Variants in TAFA1 observed in about 807,000 individuals in gnomAD.
The protein encoded by TAFA1 is TAFA chemokine like family member 1, also known as chemokine-like protein TAFA-1.
Under a neutral mutation model 18.5 loss-of-function variants are expected in TAFA1, and 4 were observed. The observed-to-expected ratio is 0.22, with a 90% confidence interval of 0.11 to 0.49. TAFA1 has a LOEUF of 0.49. TAFA1 is among the 20% of genes least tolerant of loss of function. TAFA1 has a pLI of 0.98. For synonymous variants in TAFA1, 56 were observed against 55.2 expected, an observed-to-expected ratio of 1.01 and a Z score of -0.06; for missense variants, 147 against 169.0, an observed-to-expected ratio of 0.87 and a Z score of 0.72.
chr3:68,491,836 C>G (rs569318863), intron 3 of TAFA1, among the ~76,000 whole-genome samples: 1 of 152,224 alleles, frequency 6.6e-6, no homozygotes, highest in South Asian at 2.1e-4. Context: ...AATATAATTT[C>G]TCAGCCCCTA....
At chr3:68,225,401 A>G (rs1011179301) in intron 2 of TAFA1, among the ~76,000 whole-genome samples, 1 of 152,168 alleles carries the variant, frequency 6.6e-6, no homozygotes, top group African/African-American at 2.4e-5. Flanking sequence ...CCCACACCAA[A>G]GGAATCCATA....
chr3:67,995,950 ACATTC>A, the TAFA1 span, among the ~76,000 whole-genome samples: 3 of 152,346 alleles, frequency 2.0e-5, no homozygotes, highest in East Asian at 5.8e-4. Context: ...ATTCATTCGC[ACATTC>A]ATGTATTCAT....
chr3:68,515,007 C>G (rs551109403), intron 3 of TAFA1, among the ~76,000 whole-genome samples: 44 of 152,212 alleles, frequency 2.9e-4, no homozygotes, highest in African/African-American at 9.6e-4. Context: ...TACTCATGGA[C>G]AGAGGTCCAT....
intron 2 of TAFA1, among the ~76,000 whole-genome samples, chr3:68,276,378 C>T (rs1271048875): frequency 2.6e-5 from 4 of 152,138 alleles, no homozygotes; most frequent in Admixed American, 1.3e-4. Flanking sequence ...TCCCCTCTTG[C>T]GACAACCCAA....
chr3:68,516,509 A>G (rs1447852134), intron 3 of TAFA1, among the ~76,000 whole-genome samples: 1 of 152,186 alleles, frequency 6.6e-6, no homozygotes, highest in African/African-American at 2.4e-5. Flanking sequence ...TCCTTTGTGT[A>G]TATTTTCAAT....
chr3:68,388,620 C>G (rs974800823), intron 2 of TAFA1, among the ~76,000 whole-genome samples: 2 of 152,146 alleles, frequency 1.3e-5, no homozygotes, highest in Non-Finnish European at 1.5e-5. Flanking sequence ...ATTCCCACAT[C>G]TACAGAGTTA....
rs551483862 is a variant in TAFA1 at position 68,285,875 on chromosome 3, C to T, written c.119-131405C>T. 1.4e-4 allele frequency among the ~76,000 whole-genome samples: 21 copies of T among 152,214 alleles called. No homozygotes were observed. In the South Asian group the frequency reaches 2.5e-3, roughly 18 times the overall value. ...CAAGAATGGCCAATCATTGAATATA[C>T]GGCCCAGACTTATGAATTAGGAGAC... On this transcript the variant is annotated intron_variant, in intron 2 of 4. Coordinates refer to ENST00000478136, the MANE Select transcript of TAFA1 (RefSeq NM_213609.4).
chr3:68,417,802 T>C (rs941128177), intron 3 of TAFA1, among the ~76,000 whole-genome samples: 2 of 152,088 alleles, frequency 1.3e-5, no homozygotes, highest in Non-Finnish European at 1.5e-5. Context: ...ACAGGAAGCA[T>C]GGCTACGGAG....
chr3:68,100,129 G>A (rs1416861003), intron 2 of TAFA1, among the ~76,000 whole-genome samples: 3 of 151,766 alleles, frequency 2.0e-5, no homozygotes, highest in South Asian at 4.2e-4. Flanking sequence ...AAACCTCCAC[G>A]TACAATCCCT....
intron 3 of TAFA1, among the ~76,000 whole-genome samples, chr3:68,508,083 A>G (rs1395909068): frequency 6.6e-6 from 1 of 152,056 alleles, no homozygotes; most frequent in Non-Finnish European, 1.5e-5. Flanking sequence ...ATTTATGATG[A>G]GGGCTCTCTT....
At chr3:68,290,180 A>G (rs982870090) in intron 2 of TAFA1, among the ~76,000 whole-genome samples, 2 of 152,150 alleles carry the variant, frequency 1.3e-5, no homozygotes, top group African/African-American at 4.8e-5. Context: ...GGAAAAAGTT[A>G]CTTCTTTAGC....
rs569054645 is a variant in TAFA1 at position 68,459,984 on chromosome 3, C to T, written c.259+42564C>T. The stretch of plus-strand genomic sequence containing the variant: ...AGATCATGAGGGAAACGTGTTAAGG[C>T]CGTTTATTGAGGCTTGAGAGATGGA... On this transcript the variant is annotated intron_variant, in intron 3 of 4. Coordinates refer to ENST00000478136, the MANE Select transcript of TAFA1 (RefSeq NM_213609.4). Among the ~76,000 whole-genome samples the T allele has an allele frequency of 2.6e-5, 4 of 152,246 alleles. No individual in the cohort carries two copies. In the South Asian group the frequency reaches 6.2e-4, roughly 24 times the overall value.
rs370702326 is a variant in TAFA1, at chr3:68,542,068, C to T, written c.385-2418C>T. ...ATGGATCTGAGTGATATTATTACCC[C>T]AGAAGGAAGGAGAAAATATAGGTGG... is the stretch of plus-strand genomic sequence containing the variant. On this transcript the variant is annotated intron_variant, in intron 4 of 4. Transcript: ENST00000478136. 5.3e-5 allele frequency among the ~76,000 whole-genome samples: 8 copies of T among 152,190 alleles called. No individual in the cohort carries two copies. In the East Asian group the frequency reaches 1.4e-3, roughly 26 times the overall value.
intron 3 of TAFA1, among the ~76,000 whole-genome samples, chr3:68,479,913 C>T (rs1331188326): frequency 6.6e-6 from 1 of 152,014 alleles, no homozygotes; most frequent in Admixed American, 6.6e-5. Flanking sequence ...CACATCACCA[C>T]ATTAGGGAGA....
At chr3:68,394,849 G>C (rs888915487) in intron 2 of TAFA1, among the ~76,000 whole-genome samples, 2 of 152,116 alleles carry the variant, frequency 1.3e-5, no homozygotes, top group African/African-American at 4.8e-5. Context: ...AAAAACTCTA[G>C]AAGAAAACCT....
intron 2 of TAFA1, among the ~76,000 whole-genome samples, chr3:68,173,233 G>A (rs981146115): frequency 2.6e-4 from 40 of 151,720 alleles, no homozygotes; most frequent in African/African-American, 7.1e-4. Flanking sequence ...TAACCTTAGC[G>A]GGTTTACTTG....
intron 2 of TAFA1, among the ~76,000 whole-genome samples, chr3:68,161,282 A>G (rs1011241306): frequency 2.0e-5 from 3 of 152,216 alleles, no homozygotes; most frequent in Non-Finnish European, 4.4e-5. Flanking sequence ...TAAATTTTCT[A>G]GTTTGGAATT....
Position 68,350,161 on chromosome 3 carries a change from G to A in TAFA1, c.119-67119G>A, listed in dbSNP as rs149977924. ...ACAAGACTGCAGTAAGAAAGAAATT[G>A]GTACTCAGCGCCTCAATCGGCTTTG... On this transcript the variant is annotated intron_variant, in intron 2 of 4. Transcript: ENST00000478136. Among the ~76,000 whole-genome samples, 1,026 of 152,202 alleles carry A rather than the reference G, an allele frequency of 6.7e-3. 11 individuals are homozygous for A. Among genetic ancestry groups the A allele is most frequent in the African/African-American group, 0.024 (988 of 41,560 alleles).
intron 3 of TAFA1, among the ~76,000 whole-genome samples, chr3:68,502,178 A>G (rs2072668985): frequency 6.6e-6 from 1 of 152,166 alleles, no homozygotes; most frequent in Admixed American, 6.6e-5. Context: ...TCATGATATA[A>G]TGGTTGCTTC....
Sources: allele counts gnomAD v4.1 joint callset (sites outside exome capture counted in the v4.1 genomes callset), GRCh38; gene constraint gnomAD v4.1.1; transcripts MANE v1.5; gene names NCBI Gene and HGNC (gene_info 2026-07-23, HGNC 2026-07-21).